The following OASL variants were observed in gnomAD, a reference collection of about 807,000 sequenced individuals.
OASL encodes the protein 2'-5'-oligoadenylate synthase-like protein.
In OASL, 28 loss-of-function variants were observed where a neutral mutation model predicts 35.3. That is an observed-to-expected ratio of 0.79 (90% CI 0.59 to 1.09). The LOEUF is 1.09. OASL is among the 50% of genes least tolerant of loss of function. The pLI, the probability that OASL is intolerant of heterozygous loss-of-function variation, is 0.00. For missense variants in OASL, 620 were observed against 635.2 expected, an observed-to-expected ratio of 0.98 and a Z score of 0.26; for synonymous variants, 252 against 254.6, an observed-to-expected ratio of 0.99 and a Z score of 0.10.
chr12:121,029,677 G>A lies in OASL; in HGVS notation c.657+1765C>T, dbSNP rs536071901. 2.6e-5 allele frequency among the ~76,000 whole-genome samples: 4 copies of A among 151,272 alleles called. No homozygotes were observed. The East Asian group carries it at 7.8e-4, about 29-fold the overall frequency. ...CATTCCAGCCTGGGCGACAGAGCAAGACTCTGTCTCAAAAAAAAAAAAATT... is the reference window on the plus strand; with the variant it reads ...CATTCCAGCCTGGGCGACAGAGCAAAACTCTGTCTCAAAAAAAAAAAAATT... On this transcript the variant is annotated intron_variant, in intron 3 of 5. Coordinates refer to ENST00000257570, the Ensembl canonical transcript of OASL.
At chr12:121,033,931 G>A (rs766426709) in intron 1 of OASL, among the ~76,000 whole-genome samples, 188 bp from the exon 2 acceptor site, 13 of 152,174 alleles carry the variant, frequency 8.5e-5, no homozygotes, top group Non-Finnish European at 1.9e-4. Flanking sequence ...GACATGGGAT[G>A]GAGAAATGGG....
chr12:121,029,679 C>A (rs2135909821), intron 3 of OASL, among the ~76,000 whole-genome samples: 1 of 151,374 alleles, frequency 6.6e-6, no homozygotes, highest in African/African-American at 2.4e-5. Flanking sequence ...CAGAGCAAGA[C>A]TCTGTCTCAA....
chr12:121,038,739 T>C, intron 1 of OASL, 35 bp downstream of exon 1: 1 of 1,609,160 alleles, frequency 6.2e-7, no homozygotes, highest in South Asian at 1.1e-5. Context: ...TACTGGGTTT[T>C]GTCTTGCGTG....
intron 4 of OASL, among the ~76,000 whole-genome samples, chr12:121,026,089 T>G (rs892105944): frequency 2.0e-5 from 3 of 152,160 alleles, no homozygotes; most frequent in Admixed American, 6.5e-5. Context: ...ATGGGGATGA[T>G]GGAGATCCCT....
At chr12:121,020,570 T>C (rs1565902900) in exon 6 of OASL, 8 of 1,601,358 alleles carry the variant, frequency 5.0e-6, no homozygotes, top group Non-Finnish European at 6.8e-6. Context: ...ACTAACTGGC[T>C]GGAAACAGAG....
chr12:121,033,538 G>T lies in OASL; in HGVS notation c.404C>A (p.Ala135Asp), dbSNP rs140204273. The change falls in exon 2 of 6, where the codon GCT becomes GAT. Residue 135 changes from alanine to aspartate, a missense_variant. Ala to Asp is a moderately radical substitution (Grantham distance 126, BLOSUM62 -2). Transcript: ENST00000257570. ...CCTGGTCTGGATGGTGAAGACGAGA[G>T]CATCGGGGACTCTCTGCTCCATCCT... 79 of 1,614,052 alleles carry T rather than the reference G, an allele frequency of 4.9e-5. No homozygotes were observed. The highest frequency in any genetic ancestry group is 6.1e-5 in the Non-Finnish European group (72 of 1,180,038).
chr12:121,031,631 G>A lies in OASL; in HGVS notation c.482-14C>T. 1 of 1,606,644 alleles carries A rather than the reference G, an allele frequency of 6.2e-7. No homozygotes were observed. Among genetic ancestry groups the A allele is most frequent in the Non-Finnish European group, 8.5e-7 (1 of 1,174,100 alleles). On this transcript the variant is annotated splice_polypyrimidine_tract_variant and intron_variant, in intron 2 of 5. Transcript: ENST00000257570. The stretch of plus-strand genomic sequence containing the variant: ...GAAGAGAAGGCCCTGAGGAGTGAAG[G>A]AGCAAAGGAAGAGATTGGGGATTGA...
At chr12:121,019,004 T>G (rs1869135078), downstream of OASL, 1 of 152,978 alleles carries the variant, frequency 6.5e-6, no homozygotes, top group Non-Finnish European at 1.5e-5. Flanking sequence ...TGCCAGTGTC[T>G]TGACTTGGAC....
exon 1 of OASL, chr12:121,038,817 T>A (rs1211229035): frequency 2.5e-6 from 4 of 1,613,994 alleles, no homozygotes; most frequent in African/African-American, 2.7e-5. Context: ...CAGCCCACGC[T>A]TCCCCTGGAA....
exon 1 of OASL, chr12:121,039,129 G>T: frequency 1.6e-6 from 1 of 631,364 alleles, no homozygotes; most frequent in Non-Finnish European, 2.8e-6. Flanking sequence ...GGTGTGACGG[G>T]CTGACTCCAG....
At position 121,027,875 on chromosome 12, in the gene OASL, G is replaced by A; in HGVS notation, c.658-58C>T. 5 of 1,479,960 alleles carry A rather than the reference G, an allele frequency of 3.4e-6. No individual in the cohort carries two copies. The Admixed American group carries it at 8.8e-5, about 26-fold the overall frequency. 91.7% of individuals were successfully genotyped at this position (1,479,960 alleles called of 1,614,324 possible). Reference sequence around the variant, plus strand: ...AGACCCTAAGATTCTGTGTAAGGATGGCGTTGGACCAGAAGCTGAGAAATC... The same window carrying A: ...AGACCCTAAGATTCTGTGTAAGGATAGCGTTGGACCAGAAGCTGAGAAATC... On this transcript the variant is annotated intron_variant, in intron 3 of 5. Coordinates refer to ENST00000257570, the Ensembl canonical transcript of OASL.
intron 3 of OASL, among the ~76,000 whole-genome samples, chr12:121,028,425 G>A (rs1869581572): frequency 6.6e-6 from 1 of 152,162 alleles, no homozygotes; most frequent in South Asian, 2.1e-4. Flanking sequence ...CTAGAGTAAA[G>A]CCTAGTTCTT....
downstream of OASL, among the ~76,000 whole-genome samples, chr12:121,018,337 G>A (rs901364868): frequency 6.6e-6 from 1 of 152,044 alleles, no homozygotes; most frequent in Non-Finnish European, 1.5e-5. Context: ...CATTGTACCC[G>A]GATGACGTCT....
At chr12:121,020,339 T>C in exon 6 of OASL, 1 of 485,618 alleles carries the variant, frequency 2.1e-6, no homozygotes, top group Non-Finnish European at 3.7e-6. Context: ...CTCCCTGTGA[T>C]ACCCAGGCTG....
chr12:121,022,135 AGAGTGCAGTGGCAC>A (rs1367287925), intron 5 of OASL, among the ~76,000 whole-genome samples: 1 of 135,358 alleles, frequency 7.4e-6, no homozygotes, highest in Non-Finnish European at 1.5e-5. Context: ...TTGCCAGGCT[AGAGTGCAGTGGCAC>A]GATCTTGGCT....
chr12:121,020,997 A>G, exon 6 of OASL: 1 of 1,613,340 alleles, frequency 6.2e-7, no homozygotes, highest in Non-Finnish European at 8.5e-7. Flanking sequence ...ATAAGGGTTC[A>G]CGATGAGGTT....
chr12:121,038,450 G>A (rs1565908465), intron 1 of OASL, among the ~76,000 whole-genome samples: 2 of 152,166 alleles, frequency 1.3e-5, no homozygotes, highest in South Asian at 2.1e-4. Context: ...CAAGGACCTC[G>A]CATTGTATTG....
Position 121,031,627 on chromosome 12 carries a change from G to A in OASL, c.482-10C>T. On this transcript the variant is annotated splice_polypyrimidine_tract_variant and intron_variant, in intron 2 of 5. Coordinates refer to ENST00000257570, the Ensembl canonical transcript of OASL. Reference sequence around the variant, plus strand: ...TTGGGAAGAGAAGGCCCTGAGGAGTGAAGGAGCAAAGGAAGAGATTGGGGA... The same window carrying A: ...TTGGGAAGAGAAGGCCCTGAGGAGTAAAGGAGCAAAGGAAGAGATTGGGGA... 6.2e-7 allele frequency: 1 copy of A among 1,607,888 alleles called. No homozygotes were observed. Among genetic ancestry groups the A allele is most frequent in the Non-Finnish European group, 8.5e-7 (1 of 1,175,090 alleles).
intron 2 of OASL, among the ~76,000 whole-genome samples, chr12:121,031,870 T>C (rs1217282439): frequency 6.6e-6 from 1 of 152,076 alleles, no homozygotes; most frequent in African/African-American, 2.4e-5. Context: ...CTCATTTTCT[T>C]TAATATCTGT....
Sources: gnomAD v4.1 joint callset for allele counts (sites outside exome capture counted in the v4.1 genomes callset) on GRCh38, gnomAD v4.1.1 for gene constraint, MANE v1.5 for transcripts, NCBI Gene and HGNC (gene_info 2026-07-23, HGNC 2026-07-21) for gene names.